MACROD2: variants seen among roughly 807,000 people sequenced by gnomAD.
MACROD2 encodes mono-ADP ribosylhydrolase 2.
MACROD2 carries 36 observed loss-of-function variants against 70.4 expected under a neutral mutation model. That is an observed-to-expected ratio of 0.51 (90% CI 0.39 to 0.68). The LOEUF (loss-of-function observed/expected upper bound fraction) is 0.68. Ranked by LOEUF, MACROD2 falls within the 30% of genes least tolerant of loss-of-function variation. The pLI is 0.00. For synonymous variants in MACROD2, 172 were observed against 178.8 expected (o/e 0.96, Z 0.30); for missense variants, 496 against 538.4 (o/e 0.92, Z 0.78).
At chr20:15,045,447 G>C (rs974508730) in intron 5 of MACROD2, among the ~76,000 whole-genome samples, 1 of 152,164 alleles carries the variant, frequency 6.6e-6, no homozygotes, top group East Asian at 1.9e-4. Context: ...AGGCCCGGGG[G>C]AGAAAGAGTG....
At chr20:14,966,785 T>G (rs1424790351) in intron 5 of MACROD2, among the ~76,000 whole-genome samples, 1 of 151,756 alleles carries the variant, frequency 6.6e-6, no homozygotes, top group Admixed American at 6.5e-5. Context: ...ACAATTCATT[T>G]TTTACACTAC....
At chr20:14,367,760 T>G (rs962713310) in intron 3 of MACROD2, among the ~76,000 whole-genome samples, 1 of 99,316 alleles carries the variant, frequency 1.0e-5, no homozygotes, top group Admixed American at 1.1e-4. Flanking sequence ...TCTTTACAGT[T>G]ATTCGTCTTG....
rs777301710 is a variant in MACROD2, at chr20:14,822,588, G to T, written c.418+137629G>T. On this transcript the variant is annotated intron_variant, in intron 5 of 17. Coordinates refer to ENST00000684519, the MANE Select transcript of MACROD2 (RefSeq NM_001351661.2). ...AACAATTGAACTTTGGCTATTTCCT[G>T]GTAGGTTTAACTTTCATTTAAGTGA... Among the ~76,000 whole-genome samples the T allele has an allele frequency of 2.0e-5, 3 of 151,762 alleles. No homozygotes were observed. The South Asian group carries it at 6.2e-4, about 31-fold the overall frequency.
intron 4 of MACROD2, chr20:14,494,061 A>G (rs2084824470): frequency 6.6e-6 from 1 of 152,096 alleles, no homozygotes; most frequent in Admixed American, 6.6e-5. Flanking sequence ...TGAGGGAGAC[A>G]GAGATTCCTG....
intron 8 of MACROD2, among the ~76,000 whole-genome samples, chr20:15,854,301 G>A (rs778521112): frequency 7.9e-5 from 12 of 152,112 alleles, no homozygotes; most frequent in Non-Finnish European, 1.5e-4. Context: ...AAGAGCGCTC[G>A]TGTCCTGAAC....
chr20:15,225,975 C>T (rs1319923877), intron 5 of MACROD2, among the ~76,000 whole-genome samples: 2 of 152,120 alleles, frequency 1.3e-5, no homozygotes, highest in Non-Finnish European at 2.9e-5. Flanking sequence ...GAGATAGTGC[C>T]AATTTGCACT....
At chr20:15,690,789 ACCAAGACT>A (rs772700277) in intron 8 of MACROD2, among the ~76,000 whole-genome samples, 2 of 152,186 alleles carry the variant, frequency 1.3e-5, no homozygotes, top group Non-Finnish European at 2.9e-5. Flanking sequence ...GACATGACCA[ACCAAGACT>A]CCATCTCTCC....
chr20:15,730,825 G>GAGTC (rs1485900207), intron 8 of MACROD2, among the ~76,000 whole-genome samples: 2 of 150,502 alleles, frequency 1.3e-5, no homozygotes, highest in African/African-American at 4.9e-5. Flanking sequence ...GTCTGACAAT[G>GAGTC]AGTCATACAT....
intron 3 of MACROD2, among the ~76,000 whole-genome samples, chr20:14,134,074 C>A (rs1277446722): frequency 6.6e-6 from 1 of 152,198 alleles, no homozygotes; most frequent in Admixed American, 6.5e-5. Context: ...AAACCTGTTT[C>A]ATTCCCCTCC....
intron 8 of MACROD2, among the ~76,000 whole-genome samples, chr20:15,761,068 C>A (rs560049997): frequency 2.0e-5 from 3 of 152,174 alleles, no homozygotes; most frequent in African/African-American, 7.2e-5. Flanking sequence ...TGTTTTGAGA[C>A]GGAGTCTCAC....
chr20:15,447,850 A>C (rs1464048494), intron 7 of MACROD2, among the ~76,000 whole-genome samples: 1 of 152,072 alleles, frequency 6.6e-6, no homozygotes, highest in African/African-American at 2.4e-5. Context: ...TCATGGTAAG[A>C]GATAGTGGCC....
At chr20:14,769,135 G>A (rs938966479) in intron 5 of MACROD2, among the ~76,000 whole-genome samples, 7 of 151,986 alleles carry the variant, frequency 4.6e-5, no homozygotes, top group South Asian at 2.1e-4. Context: ...TTCCCCCATC[G>A]GAAAGCTTCC....
At chr20:14,785,391 G>A (rs80343547) in intron 5 of MACROD2, among the ~76,000 whole-genome samples, 24 of 151,902 alleles carry the variant, frequency 1.6e-4, no homozygotes, top group South Asian at 2.1e-4. Flanking sequence ...GAAAAAAAAA[G>A]CCTTTAATGG....
chr20:14,025,686 T>C (rs948562233), intron 2 of MACROD2, among the ~76,000 whole-genome samples: 2 of 152,226 alleles, frequency 1.3e-5, no homozygotes, highest in African/African-American at 4.8e-5. Flanking sequence ...AGTGTTAGTT[T>C]GATTGCACTG....
intron 8 of MACROD2, among the ~76,000 whole-genome samples, chr20:15,710,891 C>T (rs1048902268): frequency 6.6e-6 from 1 of 152,178 alleles, no homozygotes; most frequent in Non-Finnish European, 1.5e-5. Flanking sequence ...ACTTTTGGGG[C>T]TCCAGCATTT....
At chr20:14,459,624 C>T (rs1342023360) in intron 3 of MACROD2, among the ~76,000 whole-genome samples, 1 of 151,822 alleles carries the variant, frequency 6.6e-6, no homozygotes, top group Non-Finnish European at 1.5e-5. Flanking sequence ...CTGAATTTTA[C>T]CAGTTCTAAT....
intron 5 of MACROD2, among the ~76,000 whole-genome samples, chr20:15,163,318 T>C (rs1043983951): frequency 2.0e-5 from 3 of 151,936 alleles, no homozygotes; most frequent in Non-Finnish European, 4.4e-5. Context: ...AAAAAAGAAC[T>C]TTATACTATT....
intron 15 of MACROD2, among the ~76,000 whole-genome samples, chr20:15,997,996 G>C (rs188839982): frequency 5.3e-4 from 81 of 152,250 alleles, no homozygotes; most frequent in African/African-American, 1.8e-3. Context: ...TGGTATATCA[G>C]ATTTATTGAT....
intron 3 of MACROD2, among the ~76,000 whole-genome samples, chr20:14,206,322 A>G (rs185607898): frequency 2.0e-5 from 3 of 152,340 alleles, no homozygotes; most frequent in Admixed American, 2.0e-4. Flanking sequence ...CTGATGGGGC[A>G]GAAACTCTAG....
Sources: gnomAD v4.1 joint callset for allele counts (sites outside exome capture counted in the v4.1 genomes callset) on GRCh38, gnomAD v4.1.1 for gene constraint, MANE v1.5 for transcripts, NCBI Gene and HGNC (gene_info 2026-07-23, HGNC 2026-07-21) for gene names.